Variants in IGSF21 observed in about 807,000 individuals in gnomAD.
IGSF21 encodes the protein immunoglobulin superfamily member 21.
IGSF21 carries 28 observed loss-of-function variants against 46.8 expected under a neutral mutation model. The ratio of observed to expected loss-of-function variants is 0.60; its 90% CI spans 0.44 to 0.82. IGSF21 has a LOEUF of 0.82. IGSF21 is among the 40% of genes least tolerant of loss of function. The pLI, the probability that IGSF21 is intolerant of heterozygous loss-of-function variation, is 0.00. For synonymous variants in IGSF21, 284 were observed against 273.6 expected, an observed-to-expected ratio of 1.04 and a Z score of -0.38; for missense variants, 624 against 665.5, an observed-to-expected ratio of 0.94 and a Z score of 0.69.
chr1:18,302,179 CCAA>C (rs1462499799), intron 3 of IGSF21, among the ~76,000 whole-genome samples: 1 of 200 alleles, frequency 5.0e-3, no homozygotes, highest in Non-Finnish European at 9.6e-3. Flanking sequence ...TGCTCCAGGC[CCAA>C]GCTCCAATGC....
At chr1:18,206,857 A>C (rs1326569628) in intron 1 of IGSF21, among the ~76,000 whole-genome samples, 1 of 152,206 alleles carries the variant, frequency 6.6e-6, no homozygotes, top group East Asian at 1.9e-4. Context: ...TCAGATAAAC[A>C]TGATGTATTG....
At chr1:18,346,593 C>G (rs1376038334) in intron 4 of IGSF21, among the ~76,000 whole-genome samples, 1 of 152,090 alleles carries the variant, frequency 6.6e-6, no homozygotes, top group Non-Finnish European at 1.5e-5. Context: ...GGAGACACGG[C>G]GGACCTGGCA....
intron 2 of IGSF21, among the ~76,000 whole-genome samples, chr1:18,252,212 G>A (rs1275333837): frequency 5.3e-5 from 8 of 151,782 alleles, no homozygotes; most frequent in Non-Finnish European, 4.4e-5. Flanking sequence ...CACCATGCCC[G>A]GCTAATTTTT....
rs1270974172 is a variant in IGSF21, at chr1:18,363,179, G to T, written c.540+949G>T. Among the ~76,000 whole-genome samples, 3 of 152,176 alleles carry T rather than the reference G, an allele frequency of 2.0e-5. 1 individual carries two copies. The highest frequency in any genetic ancestry group is 2.0e-4 in the Admixed American group (3 of 15,282). ...TTGGGCTACGTACCCTTTCAATTTT[G>T]ACATTTTATAATACTTTGGGTCTTG... On this transcript the variant is annotated intron_variant, in intron 5 of 9. Transcript: ENST00000251296.
chr1:18,173,212 C>T (rs1362724596), intron 1 of IGSF21, among the ~76,000 whole-genome samples: 4 of 152,116 alleles, frequency 2.6e-5, no homozygotes, highest in African/African-American at 7.2e-5. Context: ...GGCGTGAACC[C>T]GGGAGGCGGA....
chr1:18,269,705 C>T (rs143180190), intron 2 of IGSF21, among the ~76,000 whole-genome samples: 9 of 152,240 alleles, frequency 5.9e-5, no homozygotes, highest in South Asian at 2.1e-4. Context: ...CAGTCTGAAG[C>T]GCATCTCCCT....
At chr1:18,170,482 G>T (rs540384404) in intron 1 of IGSF21, among the ~76,000 whole-genome samples, 2 of 151,722 alleles carry the variant, frequency 1.3e-5, no homozygotes, top group East Asian at 3.9e-4. Context: ...CAATAGGTAA[G>T]AATGCCTAAT....
chr1:18,225,079 TCTCTCTCACACA>T (rs2084549529), intron 1 of IGSF21, among the ~76,000 whole-genome samples: 2 of 33,352 alleles, frequency 6.0e-5, no homozygotes, highest in Non-Finnish European at 2.0e-4. Flanking sequence ...TCTCTCTCTC[TCTCTCTCACACA>T]CACACACACA....
At chr1:18,128,578 C>T (rs750048672) in intron 1 of IGSF21, among the ~76,000 whole-genome samples, 2 of 152,096 alleles carry the variant, frequency 1.3e-5, no homozygotes, top group Admixed American at 6.5e-5. Flanking sequence ...TGGGGAGACC[C>T]GAGGAAAGAG....
chr1:18,254,244 C>T (rs144562003), intron 2 of IGSF21, among the ~76,000 whole-genome samples: 1 of 152,242 alleles, frequency 6.6e-6, no homozygotes, highest in East Asian at 1.9e-4. Context: ...AGGGCTCAGG[C>T]AGATGTGAAG....
At chr1:18,320,685 A>T (rs2085592794) in intron 3 of IGSF21, among the ~76,000 whole-genome samples, 1 of 152,134 alleles carries the variant, frequency 6.6e-6, no homozygotes, top group South Asian at 2.1e-4. Flanking sequence ...TGAGAGAGAG[A>T]TCTCCAGCCA....
intron 4 of IGSF21, among the ~76,000 whole-genome samples, chr1:18,359,458 GAAAGGGAA>G (rs1324348875): frequency 8.3e-6 from 1 of 120,838 alleles, no homozygotes; most frequent in African/African-American, 3.6e-5. Flanking sequence ...AAGAAAGAAA[GAAAGGGAA>G]GGAAGGAAGG....
intron 1 of IGSF21, among the ~76,000 whole-genome samples, chr1:18,157,291 C>A (rs2086577348): frequency 6.6e-6 from 1 of 152,228 alleles, no homozygotes; most frequent in African/African-American, 2.4e-5. Flanking sequence ...GCTAACTCTG[C>A]CTCGCTGTCT....
Position 18,224,640 on chromosome 1 carries a change from A to C in IGSF21, c.71-3258A>C, listed in dbSNP as rs145368073. Among the ~76,000 whole-genome samples the C allele has an allele frequency of 6.9e-3, 1,055 of 152,242 alleles. 12 individuals are homozygous for C. Among genetic ancestry groups the C allele is most frequent in the African/African-American group, 0.024 (1,004 of 41,554 alleles). ...GTGCCTGGTACGGAATAGATTCTCA[A>C]TTAATTTGTTTTTCATGCATAAAGG... On this transcript the variant is annotated intron_variant, in intron 1 of 9. Transcript: ENST00000251296.
In IGSF21 at chr1:18,259,690, G is replaced by T. The variant is rs75419465; in HGVS notation, c.183+31680G>T. ...GGAGGAAGGGTGTGTGAGTGTGTGTGTACACACATAGGATGAGGAATGGTA... is the reference window on the plus strand; with the variant it reads ...GGAGGAAGGGTGTGTGAGTGTGTGTTTACACACATAGGATGAGGAATGGTA... On this transcript the variant is annotated intron_variant, in intron 2 of 9. Transcript: ENST00000251296. Among the ~76,000 whole-genome samples, 712 of 152,314 alleles carry T rather than the reference G, an allele frequency of 4.7e-3. 8 individuals carry two copies. The highest frequency in any genetic ancestry group is 0.015 in the African/African-American group (634 of 41,560).
intron 3 of IGSF21, among the ~76,000 whole-genome samples, chr1:18,328,570 G>A (rs964368216): frequency 2.0e-5 from 3 of 152,160 alleles, no homozygotes; most frequent in African/African-American, 7.2e-5. Flanking sequence ...GGTACATGGT[G>A]GGTGCTTAAC....
Position 18,337,415 on chromosome 1 carries a change from G to A in IGSF21, c.424+2405G>A, listed in dbSNP as rs1316849165. ...AGAGCTCAGTTACTTGGACACTGTT[G>A]TTTTTATTATCACTGTCTCTGATGT... is the stretch of plus-strand genomic sequence containing the variant. On this transcript the variant is annotated intron_variant, in intron 4 of 9. Coordinates refer to ENST00000251296, the MANE Select transcript of IGSF21 (RefSeq NM_032880.5). This position sits in a 1 kb window ranked among gnomAD's most constrained non-coding sequence, Gnocchi z 5.7. Among the ~76,000 whole-genome samples, 1 of 152,156 alleles carries A rather than the reference G, an allele frequency of 6.6e-6. No homozygotes were observed. Among genetic ancestry groups the A allele is most frequent in the Non-Finnish European group, 1.5e-5 (1 of 68,040 alleles).
intron 2 of IGSF21, among the ~76,000 whole-genome samples, chr1:18,234,654 G>A (rs2084657241): frequency 6.6e-6 from 1 of 152,114 alleles, no homozygotes; most frequent in South Asian, 2.1e-4. Context: ...AGTGCCAGCA[G>A]GGGAAATGCC....
chr1:18,198,283 G>A (rs2087029379), intron 1 of IGSF21, among the ~76,000 whole-genome samples: 1 of 152,144 alleles, frequency 6.6e-6, no homozygotes, highest in Admixed American at 6.5e-5. Context: ...CCAGCTCCAG[G>A]GAGTAGGACC....
Sources: gnomAD v4.1 joint callset for allele counts (sites outside exome capture counted in the v4.1 genomes callset) on GRCh38, gnomAD v4.1.1 for gene constraint, Gnocchi (gnomAD v3.1) non-coding constraint, MANE v1.5 for transcripts, NCBI Gene and HGNC (gene_info 2026-07-23, HGNC 2026-07-21) for gene names.